The following AGBL1 variants were observed in gnomAD, a reference collection of about 807,000 sequenced individuals.
AGBL1 encodes the protein cytosolic carboxypeptidase 4.
AGBL1 carries 130 observed loss-of-function variants against 118.9 expected under a neutral mutation model. The ratio of observed to expected loss-of-function variants is 1.09; its 90% CI spans 0.95 to 1.26. The LOEUF (loss-of-function observed/expected upper bound fraction) is 1.26, where lower values mean the gene tolerates loss of function less well. AGBL1 is among the 50% of genes most tolerant of loss of function. AGBL1 has a pLI of 0.00. For synonymous variants in AGBL1, 555 were observed against 478.9 expected, an observed-to-expected ratio of 1.16 and a Z score of -2.08; for missense variants, 1,584 against 1,298.1, an observed-to-expected ratio of 1.22 and a Z score of -3.38.
At chr15:86,204,645 A>G (rs2077961881) in intron 5 of AGBL1, among the ~76,000 whole-genome samples, 1 of 152,040 alleles carries the variant, frequency 6.6e-6, no homozygotes, top group Non-Finnish European at 1.5e-5. Context: ...GCTGGAGTGC[A>G]GTGGTGCAAT....
At chr15:86,633,897 GTATATATA>G (rs200863060) in intron 21 of AGBL1, among the ~76,000 whole-genome samples, 2 of 61,298 alleles carry the variant, frequency 3.3e-5, no homozygotes, top group Non-Finnish European at 9.3e-5. Flanking sequence ...TATATATAAT[GTATATATA>G]TATAACTTTA....
chr15:86,251,960 T>G (rs2078823376), intron 7 of AGBL1, among the ~76,000 whole-genome samples: 1 of 152,106 alleles, frequency 6.6e-6, no homozygotes, highest in South Asian at 2.1e-4. Flanking sequence ...CTACAACAGT[T>G]TAAGGGGCCT....
chr15:86,528,483 A>G (rs2083299907), intron 19 of AGBL1, among the ~76,000 whole-genome samples: 1 of 151,704 alleles, frequency 6.6e-6, no homozygotes, highest in African/African-American at 2.4e-5. Context: ...GCTGATTGCT[A>G]GCACAGCAGT....
chr15:86,825,675 G>A (rs2078999873), intron 22 of AGBL1, among the ~76,000 whole-genome samples: 2 of 137,958 alleles, frequency 1.4e-5, no homozygotes, highest in African/African-American at 5.5e-5. Flanking sequence ...GAGGGAGGGA[G>A]GAAGGAAGGG....
At chr15:86,352,244 C>A (rs2080639390) in intron 17 of AGBL1, among the ~76,000 whole-genome samples, 1 of 152,166 alleles carries the variant, frequency 6.6e-6, no homozygotes, top group African/African-American at 2.4e-5. Flanking sequence ...GGGCTTAATA[C>A]TCTGAGAGAT....
At chr15:86,171,269 T>C (rs1175845291) in intron 5 of AGBL1, among the ~76,000 whole-genome samples, 2 of 152,176 alleles carry the variant, frequency 1.3e-5, no homozygotes, top group South Asian at 2.1e-4. Context: ...TTAGTCTCTT[T>C]AAAAATAGCT....
At chr15:86,293,181 G>T (rs2079575526) in intron 16 of AGBL1, among the ~76,000 whole-genome samples, 1 of 152,136 alleles carries the variant, frequency 6.6e-6, no homozygotes, top group African/African-American at 2.4e-5. Context: ...TCCCTTGTAT[G>T]TTAGTTGTCT....
Position 86,247,761 on chromosome 15 carries a change from C to A in AGBL1, c.617C>A (p.Ala206Asp), listed in dbSNP as rs748263892. The A allele has an allele frequency of 6.2e-7, 1 of 1,613,954 alleles. No homozygotes were observed. Among genetic ancestry groups the A allele is most frequent in the Middle Eastern group, 1.6e-4 (1 of 6,062 alleles). Reference protein sequence around the residue: ...QDWHSHDTANAYVQIRRGLLL... With the variant: ...QDWHSHDTANDYVQIRRGLLL... ...TGGCACAGCCATGACACAGCCAACG[C>A]CTACGTGCAGATCCGACGGGGCTTG... is the stretch of plus-strand genomic sequence containing the variant. Residue 206 changes from alanine to aspartate, a missense_variant, in exon 7 of 23, where the codon GCC becomes GAC. By Grantham distance (126) the Ala-to-Asp change is moderately radical (BLOSUM62 -2). Transcript: ENST00000614907.
chr15:86,805,943 A>G (rs192245599), intron 22 of AGBL1, among the ~76,000 whole-genome samples: 1 of 152,116 alleles, frequency 6.6e-6, no homozygotes, highest in African/African-American at 2.4e-5. Context: ...TAACAGCACA[A>G]ACTCCAGAAA....
chr15:86,522,216 A>T (rs181375365), intron 18 of AGBL1, among the ~76,000 whole-genome samples: 1 of 152,320 alleles, frequency 6.6e-6, no homozygotes, highest in Non-Finnish European at 1.5e-5. Context: ...TAGTTGAAAA[A>T]GGCACTCTGA....
rs570663528 is a variant in AGBL1, at chr15:86,910,732, A to T, written c.*3438A>T. ...AGGTACCTCAGGAAGCAGAAGGAGA[A>T]CAAAGAGAGGTGTACCTAACACTTG... On this transcript the variant is annotated 3_prime_UTR_variant, in exon 23 of 23. Transcript: ENST00000614907. 1 of 152,338 alleles carries T rather than the reference A, an allele frequency of 6.6e-6. No individual in the cohort carries two copies. Among genetic ancestry groups the T allele is most frequent in the South Asian group, 2.1e-4 (1 of 4,824 alleles). 9.4% of individuals were successfully genotyped at this position (152,338 alleles called of 1,614,324 possible).
chr15:86,535,060 C>G (rs181527386), intron 19 of AGBL1, among the ~76,000 whole-genome samples: 1 of 152,096 alleles, frequency 6.6e-6, no homozygotes, highest in Non-Finnish European at 1.5e-5. Flanking sequence ...AAAGCAAAGT[C>G]ACAGAGATTT....
At chr15:86,131,750 G>A (rs2076822355) in intron 1 of AGBL1, among the ~76,000 whole-genome samples, 1 of 151,872 alleles carries the variant, frequency 6.6e-6, no homozygotes, top group South Asian at 2.1e-4. Flanking sequence ...GGAGTTCAAG[G>A]CCAGCCTGGG....
chr15:86,340,304 C>G (rs562699249), intron 17 of AGBL1, among the ~76,000 whole-genome samples: 66 of 149,790 alleles, frequency 4.4e-4, no homozygotes, highest in African/African-American at 1.4e-3. Flanking sequence ...GCCCCCCCCC[C>G]ATTCATGTCT....
At chr15:86,195,179 G>A in intron 5 of AGBL1, among the ~76,000 whole-genome samples, 1 of 152,112 alleles carries the variant, frequency 6.6e-6, no homozygotes, top group East Asian at 1.9e-4. Context: ...TCTGTCCTGA[G>A]TTTTATAGAT....
At chr15:86,262,966 C>A in intron 10 of AGBL1, 72 bp downstream of exon 10, 1 of 1,074,430 alleles carries the variant, frequency 9.3e-7, no homozygotes, top group Non-Finnish European at 1.4e-6. Context: ...GGAGGCCAAA[C>A]CAGGGTGTCC....
intron 21 of AGBL1, among the ~76,000 whole-genome samples, chr15:86,617,055 ACT>A (rs1341038574): frequency 2.6e-5 from 4 of 151,678 alleles, no homozygotes; most frequent in Admixed American, 2.6e-4. Context: ...TTTAACCTTC[ACT>A]CTCTGCTCAC....
chr15:86,649,810 T>C (rs1351336743), intron 21 of AGBL1, among the ~76,000 whole-genome samples: 1 of 152,044 alleles, frequency 6.6e-6, no homozygotes, highest in African/African-American at 2.4e-5. Flanking sequence ...ATGTGTGGTG[T>C]TATATACAAT....
At chr15:86,221,945 ATGCAC>A (rs1346099995) in intron 5 of AGBL1, among the ~76,000 whole-genome samples, 2 of 152,158 alleles carry the variant, frequency 1.3e-5, no homozygotes, top group Non-Finnish European at 2.9e-5. Context: ...TGACTTCACA[ATGCAC>A]TATTGGGTCA....
Sources: allele counts gnomAD v4.1 joint callset (sites outside exome capture counted in the v4.1 genomes callset), GRCh38; gene constraint gnomAD v4.1.1; transcripts MANE v1.5; gene names NCBI Gene and HGNC (gene_info 2026-07-23, HGNC 2026-07-21).